The following DNAH14 variants were observed in gnomAD, a reference collection of about 807,000 sequenced individuals.
DNAH14 encodes the protein axonemal beta dynein heavy chain 14.
DNAH14 carries 478 observed loss-of-function variants against 520.9 expected under a neutral mutation model. The observed-to-expected ratio is 0.92, with a 90% CI of 0.85 to 0.99. The LOEUF (loss-of-function observed/expected upper bound fraction) is 0.99. DNAH14 is among the 50% of genes least tolerant of loss of function. The probability of loss-of-function intolerance (pLI) is 0.00; values close to 1 mark genes in which losing one functional copy is unlikely to be tolerated. For synonymous variants in DNAH14, 1,581 were observed against 1,757.2 expected, an observed-to-expected ratio of 0.90 and a Z score of 2.51; for missense variants, 4,831 against 5,234.5, an observed-to-expected ratio of 0.92 and a Z score of 2.38.
Position 225,080,459 on chromosome 1 carries a change from T to C in DNAH14, c.2847T>C (p.Ala949=). 1 of 1,551,782 alleles carries C rather than the reference T, an allele frequency of 6.4e-7. No homozygotes were observed. The highest frequency in any genetic ancestry group is 8.7e-7 in the Non-Finnish European group (1 of 1,146,996). The change falls in exon 19 of 86, where the codon GCT becomes GCC. Residue 949 remains alanine, a synonymous_variant. Transcript: ENST00000682510. ...TGATCCAGACTCTCTCAGGGGAAGC[T>C]GCAAGTTTAACTAACAAAGCTAAAG... ...MEMIQTLSGE[A]ASLTNKAKAY... is the part of the protein sequence containing the mutation.
chr1:225,338,131 A>G lies in DNAH14; in HGVS notation c.10382A>G (p.His3461Arg), dbSNP rs1487558922. The part of the protein sequence containing the change: ...LKKDIYQKKG[H>R]YFIRVGDAEF... ...AAGGATATCTATCAGAAAAAAGGAC[A>G]CTATTTCATAAGGGTTGGTGATGCT... Residue 3461 changes from histidine to arginine, a missense_variant, in exon 68 of 86, where the codon CAC (histidine) becomes CGC (arginine). His to Arg is a conservative substitution (Grantham distance 29). Coordinates refer to ENST00000682510, the MANE Select transcript of DNAH14 (RefSeq NM_001367479.1). 5 of 1,551,888 alleles carry G rather than the reference A, an allele frequency of 3.2e-6. No homozygotes were observed. Among genetic ancestry groups the G allele is most frequent in the Non-Finnish European group, 4.4e-6 (5 of 1,146,988 alleles).
At chr1:224,992,718 A>G (rs1291842837) in intron 8 of DNAH14, among the ~76,000 whole-genome samples, 1 of 152,030 alleles carries the variant, frequency 6.6e-6, no homozygotes, top group Non-Finnish European at 1.5e-5. Flanking sequence ...TTAACTGCTC[A>G]GACAAGGACT....
In DNAH14 at chr1:225,374,730, A is replaced by C. The variant is rs2095674237; in HGVS notation, c.12361A>C (p.Ser4121Arg). 8 of 1,551,134 alleles carry C rather than the reference A, an allele frequency of 5.2e-6. No homozygotes were observed. Among genetic ancestry groups the C allele is most frequent in the Non-Finnish European group, 7.0e-6 (8 of 1,146,620 alleles). The part of the protein sequence containing the change: ...VLENSLRGQP[S>R]ISWQALRYLI... ...GGAAAATTCCCTGAGAGGACAGCCC[A>C]GCATTTCGTGGCAAGCACTGCGCTA... The change falls in exon 78 of 86, where the codon AGC becomes CGC. Residue 4121 changes from serine to arginine, a missense_variant. Physicochemically the swap from Ser to Arg is moderately radical, Grantham distance 110. Coordinates refer to ENST00000682510, the MANE Select transcript of DNAH14 (RefSeq NM_001367479.1).
rs566071590 is a variant in DNAH14 at position 225,386,396 on chromosome 1, A to G, written c.13078-1983A>G. Among the ~76,000 whole-genome samples the G allele has an allele frequency of 5.5e-3, 844 of 152,348 alleles. 5 individuals carry two copies. The highest frequency in any genetic ancestry group is 7.5e-3 in the Non-Finnish European group (511 of 68,034). ...TTGACAAATGGGATCTAATTAAACTAAAGAGCTTCTGCACAGCAAAAGAAA... is the reference window on the plus strand; with the variant it reads ...TTGACAAATGGGATCTAATTAAACTGAAGAGCTTCTGCACAGCAAAAGAAA... On this transcript the variant is annotated intron_variant, in intron 81 of 85. Coordinates refer to ENST00000682510, the MANE Select transcript of DNAH14 (RefSeq NM_001367479.1).
chr1:225,290,655 A>ATATATATATATATATG, intron 55 of DNAH14, among the ~76,000 whole-genome samples: 1 of 45,872 alleles, frequency 2.2e-5, no homozygotes, highest in South Asian at 6.9e-4. Flanking sequence ...GTGTATATAT[A>ATATATATATATATATG]TATATATATA....
chr1:224,987,173 T>A (rs1186784010), intron 8 of DNAH14, among the ~76,000 whole-genome samples: 1 of 151,864 alleles, frequency 6.6e-6, no homozygotes, highest in Non-Finnish European at 1.5e-5. Flanking sequence ...GACCTGTAGT[T>A]GGTAAACTAG....
intron 36 of DNAH14, among the ~76,000 whole-genome samples, chr1:225,175,547 A>T (rs2083217568): frequency 1.3e-5 from 2 of 151,686 alleles, no homozygotes; most frequent in African/African-American, 2.4e-5. Flanking sequence ...CTAGTGAAAG[A>T]TTTGTTGATT....
At chr1:225,160,235 G>T in intron 35 of DNAH14, among the ~76,000 whole-genome samples, 1 of 151,924 alleles carries the variant, frequency 6.6e-6, no homozygotes, top group African/African-American at 2.4e-5. Flanking sequence ...TCTGTTCTCT[G>T]ACTTTTCCAG....
At chr1:224,943,615 T>C (rs1236809609) in intron 1 of DNAH14, among the ~76,000 whole-genome samples, 1 of 152,212 alleles carries the variant, frequency 6.6e-6, no homozygotes, top group East Asian at 1.9e-4. Flanking sequence ...CCTTCCTGCT[T>C]TCTCTTGTGG....
chr1:225,314,506 T>C (rs1471455135), intron 60 of DNAH14, among the ~76,000 whole-genome samples: 1 of 152,216 alleles, frequency 6.6e-6, no homozygotes, highest in Admixed American at 6.5e-5. Flanking sequence ...TTTTGCCCGT[T>C]AGTTGATGCA....
At chr1:225,149,644 C>T (rs954202354) in intron 31 of DNAH14, among the ~76,000 whole-genome samples, 8 of 152,076 alleles carry the variant, frequency 5.3e-5, no homozygotes, top group Non-Finnish European at 8.8e-5. Flanking sequence ...CCCTGGTTAG[C>T]TGTATTCCTA....
In DNAH14 at chr1:225,399,210, C is replaced by T. The variant is rs774888042; in HGVS notation, c.13795C>T (p.Pro4599Ser). The T allele has an allele frequency of 2.3e-5, 36 of 1,551,514 alleles. 1 individual carries two copies. Among genetic ancestry groups the T allele is most frequent in the South Asian group, 2.0e-4 (17 of 84,064 alleles). ...LTSVYLSTKK[P>S]PSHWITMRVA... ...ATCAGTGTATTTATCAACGAAGAAA[C>T]CTCCTAGTCACTGGATCACAATGCG... The change falls in exon 86 of 86, where the codon CCT (proline) becomes TCT (serine). Residue 4599 changes from proline (P) to serine (S), a missense_variant. Pro to Ser is a moderately conservative substitution (Grantham distance 74, BLOSUM62 -1). Coordinates refer to ENST00000682510, the MANE Select transcript of DNAH14 (RefSeq NM_001367479.1).
At chr1:225,084,146 A>G (rs1461370012) in intron 20 of DNAH14, among the ~76,000 whole-genome samples, 3 of 152,132 alleles carry the variant, frequency 2.0e-5, no homozygotes, top group Non-Finnish European at 4.4e-5. Flanking sequence ...CATGTGAACA[A>G]AAGTGAACAA....
chr1:224,990,854 T>G (rs1424370786), intron 8 of DNAH14, among the ~76,000 whole-genome samples: 2 of 152,098 alleles, frequency 1.3e-5, no homozygotes, highest in Admixed American at 6.6e-5. Context: ...TATTTTTAGT[T>G]TTTTGAGGAA....
intron 23 of DNAH14, among the ~76,000 whole-genome samples, chr1:225,112,870 G>C (rs1439841485): frequency 6.6e-6 from 1 of 151,904 alleles, no homozygotes; most frequent in African/African-American, 2.4e-5. Context: ...TTTCTGAAAG[G>C]ATTCTGAATT....
chr1:224,931,394 G>A (rs1026200392), intron 1 of DNAH14, among the ~76,000 whole-genome samples: 2 of 152,082 alleles, frequency 1.3e-5, no homozygotes, highest in African/African-American at 2.4e-5. Flanking sequence ...TATGAGGTAC[G>A]TGAGAAATTT....
chr1:224,961,927 A>AT (rs2060870886), intron 4 of DNAH14, among the ~76,000 whole-genome samples: 1 of 152,078 alleles, frequency 6.6e-6, no homozygotes, highest in Admixed American at 6.6e-5. Context: ...TTCTTTACTG[A>AT]TTGCATTTCT....
chr1:225,346,120 C>T lies in DNAH14; in HGVS notation c.10837C>T (p.Leu3613Phe), dbSNP rs1277539858. Residue 3613 changes from leucine to phenylalanine, a missense_variant, in exon 70 of 86, where the codon CTC (leucine) becomes TTC (phenylalanine). Transcript: ENST00000682510. Reference sequence around the variant, plus strand: ...CCCCATTGCGACCCGAGGCGCCCTGCTCTACTTCCTAGTAGCTGATCTCAC... The same window carrying T: ...CCCCATTGCGACCCGAGGCGCCCTGTTCTACTTCCTAGTAGCTGATCTCAC... Reference protein sequence around the residue: ...YLPIATRGALLYFLVADLTQI... With the variant: ...YLPIATRGALFYFLVADLTQI... 4 of 1,551,732 alleles carry T rather than the reference C, an allele frequency of 2.6e-6. No homozygotes were observed. In the South Asian group the frequency reaches 4.8e-5, roughly 18 times the overall value.
chr1:224,982,272 G>T (rs1044749725), intron 8 of DNAH14, among the ~76,000 whole-genome samples: 4 of 152,192 alleles, frequency 2.6e-5, no homozygotes, highest in Non-Finnish European at 4.4e-5. Context: ...AGGGCTGGCT[G>T]CAGTGTCAAA....
Sources: allele counts gnomAD v4.1 joint callset (sites outside exome capture counted in the v4.1 genomes callset), GRCh38; gene constraint gnomAD v4.1.1; transcripts MANE v1.5; gene names NCBI Gene and HGNC (gene_info 2026-07-23, HGNC 2026-07-21).